BABAM1: variants seen among roughly 807,000 people sequenced by gnomAD.
BABAM1 encodes the protein BRISC and BRCA1-A complex member 1.
BABAM1 carries 14 observed loss-of-function variants against 34.4 expected under a neutral mutation model. That is an observed-to-expected ratio of 0.41 (90% CI 0.27 to 0.64). The LOEUF is 0.64. Ranked by LOEUF, BABAM1 falls within the 30% of genes least tolerant of loss-of-function variation. BABAM1 has a pLI of 0.34. For missense variants in BABAM1, 393 were observed against 434.0 expected (o/e 0.91, Z 0.84); for synonymous variants, 169 against 165.8 (o/e 1.02, Z -0.15).
chr19:17,269,735 T>TTTG (rs973615802), intron 2 of BABAM1, among the ~76,000 whole-genome samples: 2 of 151,724 alleles, frequency 1.3e-5, no homozygotes, highest in African/African-American at 4.8e-5. Flanking sequence ...CAATTTTTTT[T>TTTG]TTTTGTTTTT....
chr19:17,271,549 C>T (rs1274863886), intron 2 of BABAM1, 48 bp from the exon 3 acceptor site: 5 of 1,598,306 alleles, frequency 3.1e-6, no homozygotes, highest in East Asian at 2.2e-5. Context: ...GGTGTGGGGG[C>T]CAACGTTAAG....
At chr19:17,274,567 T>C (rs1040664186) in intron 5 of BABAM1, 3 of 118,560 alleles carry the variant, frequency 2.5e-5, no homozygotes, top group African/African-American at 1.9e-4. Flanking sequence ...GACTCCGTCT[T>C]TTTTAAAAAA....
At chr19:17,271,179 G>A (rs2073837035) in intron 2 of BABAM1, among the ~76,000 whole-genome samples, 1 of 151,874 alleles carries the variant, frequency 6.6e-6, no homozygotes, top group African/African-American at 2.4e-5. Flanking sequence ...TAGCAGAGAT[G>A]GGGTTTCACC....
At chr19:17,269,516 A>G (rs1369224209) in intron 2 of BABAM1, among the ~76,000 whole-genome samples, 1 of 151,252 alleles carries the variant, frequency 6.6e-6, no homozygotes, top group East Asian at 2.0e-4. Context: ...ACGCCCGGCT[A>G]ATTTTTATAT....
intron 8 of BABAM1, among the ~76,000 whole-genome samples, chr19:17,277,948 G>A (rs929914924): frequency 8.6e-5 from 13 of 151,698 alleles, no homozygotes; most frequent in African/African-American, 2.7e-4. Context: ...AAGCCGAGGC[G>A]GGTGACTCAC....
chr19:17,278,939 G>T lies in BABAM1; in HGVS notation c.881G>T (p.Cys294Phe), dbSNP rs778037682. The change falls in exon 9 of 9, where the codon TGC becomes TTC. Residue 294 changes from cysteine to phenylalanine, a missense_variant. Coordinates refer to ENST00000598188, the MANE Select transcript of BABAM1 (RefSeq NM_014173.4). The part of the protein sequence containing the change: ...LAGPALELHN[C>F]MAKLLAHPLQ... ...GGGCCAGCCCTGGAGTTGCACAACT[G>T]CATGGCGAAACTGTTGGCCCACCCC... 6.2e-7 allele frequency: 1 copy of T among 1,613,312 alleles called. No individual in the cohort carries two copies. Among genetic ancestry groups the T allele is most frequent in the Non-Finnish European group, 8.5e-7 (1 of 1,179,712 alleles).
Position 17,268,995 on chromosome 19 carries a change from C to T in BABAM1, c.189C>T (p.Leu63=). 6.3e-7 allele frequency: 1 copy of T among 1,584,180 alleles called. No individual in the cohort carries two copies. Residue 63 remains leucine (L), a synonymous_variant, in exon 2 of 9, where the codon CTC becomes CTT. Coordinates refer to ENST00000598188, the MANE Select transcript of BABAM1 (RefSeq NM_014173.4). The part of the protein sequence containing the change: ...GEAASADDGS[L]NTSGAGPKSW... ...CCGCCAGTGCTGATGATGGGAGCCT[C>T]AACACTTCAGGAGCCGGCCCTAAGT... is the stretch of plus-strand genomic sequence containing the variant.
intron 8 of BABAM1, among the ~76,000 whole-genome samples, chr19:17,278,408 G>A (rs900903068): frequency 6.6e-6 from 1 of 151,168 alleles, no homozygotes; most frequent in East Asian, 2.0e-4. Context: ...TCCCGGGTTT[G>A]CGCCATTCTC....
chr19:17,268,513 C>G, intron 1 of BABAM1: 1 of 250,736 alleles, frequency 4.0e-6, no homozygotes, highest in Middle Eastern at 1.4e-3. Context: ...TCACCGCAGC[C>G]TCCCCTCCCG....
At chr19:17,275,367 C>G (rs1160358340) in intron 5 of BABAM1, among the ~76,000 whole-genome samples, 1 of 151,736 alleles carries the variant, frequency 6.6e-6, no homozygotes, top group African/African-American at 2.4e-5. Flanking sequence ...CTTGGCTCAC[C>G]GCAATCTCCA....
chr19:17,268,886 C>T lies in BABAM1; in HGVS notation c.80C>T (p.Thr27Ile). Residue 27 changes from threonine (T) to isoleucine (I), a missense_variant, in exon 2 of 9, where the codon ACT becomes ATT. Thr to Ile is a moderately conservative substitution (Grantham distance 89). Transcript: ENST00000598188. ...EEHSAEPRPR[T>I]RSNPEGAEDR... is the part of the protein sequence containing the mutation. The stretch of plus-strand genomic sequence containing the variant: ...CACTCGGCAGAGCCTCGGCCCCGCA[C>T]TCGCTCCAATCCTGAAGGGGCTGAG... 4.4e-6 allele frequency: 7 copies of T among 1,595,358 alleles called. No homozygotes were observed. The highest frequency in any genetic ancestry group is 6.0e-6 in the Non-Finnish European group (7 of 1,171,868).
intron 8 of BABAM1, chr19:17,277,115 G>A: frequency 1.8e-6 from 1 of 557,002 alleles, no homozygotes; most frequent in Non-Finnish European, 3.2e-6. Flanking sequence ...GATGGTCCAG[G>A]CAACATGTTG....
Position 17,268,919 on chromosome 19 carries a change from C to T in BABAM1, c.113C>T (p.Ala38Val). The change falls in exon 2 of 9, where the codon GCA becomes GTA. Residue 38 changes from alanine (A) to valine (V), a missense_variant. Transcript: ENST00000598188. ...RSNPEGAEDR[A>V]VGAQASVGSR... Reference sequence around the variant, plus strand: ...AATCCTGAAGGGGCTGAGGACCGGGCAGTAGGGGCACAGGCCAGCGTGGGC... The same window carrying T: ...AATCCTGAAGGGGCTGAGGACCGGGTAGTAGGGGCACAGGCCAGCGTGGGC... The T allele has an allele frequency of 6.3e-7, 1 of 1,579,984 alleles. No individual in the cohort carries two copies. Among genetic ancestry groups the T allele is most frequent in the Non-Finnish European group, 8.6e-7 (1 of 1,164,144 alleles).
chr19:17,273,330 G>A (rs1366947907), intron 3 of BABAM1, among the ~76,000 whole-genome samples: 1 of 152,108 alleles, frequency 6.6e-6, no homozygotes, highest in Non-Finnish European at 1.5e-5. Flanking sequence ...CCCCTCAGTG[G>A]CATTCACAAC....
Position 17,276,817 on chromosome 19 carries a change from C to G in BABAM1, c.700-6C>G, listed in dbSNP as rs1460371607. On this transcript the variant is annotated splice_polypyrimidine_tract_variant and splice_region_variant and intron_variant, in intron 7 of 8. Transcript: ENST00000598188. Reference sequence around the variant, plus strand: ...CAGAGGCTGGTGTTCTTTACTTCCCCTGCAGAAAATGTTCCAGTGCCCATA... The same window carrying G: ...CAGAGGCTGGTGTTCTTTACTTCCCGTGCAGAAAATGTTCCAGTGCCCATA... 2 of 1,600,942 alleles carry G rather than the reference C, an allele frequency of 1.2e-6. No homozygotes were observed. Among genetic ancestry groups the G allele is most frequent in the African/African-American group, 2.7e-5 (2 of 74,718 alleles).
intron 2 of BABAM1, 144 bp from the exon 3 acceptor site, chr19:17,271,453 G>T: frequency 1.2e-6 from 1 of 811,202 alleles, no homozygotes; most frequent in Non-Finnish European, 2.0e-6. Context: ...CTAAGCCATT[G>T]CTTTTCAAAG....
At chr19:17,273,559 G>GTTTTTTTTTTTTTTTTT (rs1252906493) in intron 3 of BABAM1, among the ~76,000 whole-genome samples, 1 of 24,614 alleles carries the variant, frequency 4.1e-5, no homozygotes, top group Non-Finnish European at 8.5e-5. Context: ...TTTTTTGTTT[G>GTTTTTTTTTTTTTTTTT]TTTTGTTTTT....
Position 17,269,012 on chromosome 19 carries a change from G to T in BABAM1, c.206G>T (p.Gly69Val). The T allele has an allele frequency of 1.3e-6, 2 of 1,591,130 alleles. No homozygotes were observed. Among genetic ancestry groups the T allele is most frequent in the East Asian group, 4.6e-5 (2 of 43,818 alleles). ...DDGSLNTSGA[G>V]PKSWQVPPPA... ...GGGAGCCTCAACACTTCAGGAGCCG[G>T]CCCTAAGTCCTGGCAGGTGCCCCCG... The change falls in exon 2 of 9, where the codon GGC becomes GTC. Residue 69 changes from glycine (G) to valine (V), a missense_variant. Gly to Val is a moderately radical substitution (Grantham distance 109). Transcript: ENST00000598188.
intron 8 of BABAM1, chr19:17,277,158 C>T: frequency 2.4e-6 from 1 of 415,382 alleles, no homozygotes; most frequent in East Asian, 4.0e-5. Flanking sequence ...ACGTTCCCTG[C>T]GTTCCTTTCT....
Sources: gnomAD v4.1 joint callset for allele counts (sites outside exome capture counted in the v4.1 genomes callset) on GRCh38, gnomAD v4.1.1 for gene constraint, MANE v1.5 for transcripts, NCBI Gene and HGNC (gene_info 2026-07-23, HGNC 2026-07-21) for gene names.